Variants in DSCAM observed in about 807,000 individuals in gnomAD.
DSCAM encodes DS cell adhesion molecule, also known as cell adhesion molecule DSCAM.
DSCAM carries 47 observed loss-of-function variants against 217.7 expected under a neutral mutation model. The observed-to-expected ratio is 0.22, with a 90% CI of 0.17 to 0.28. The LOEUF is 0.28. Among genes scored for constraint, DSCAM ranks in the 10% least tolerant of loss-of-function variants. The pLI, the probability that DSCAM is intolerant of heterozygous loss-of-function variation, is 1.00. For missense variants in DSCAM, 2,080 were observed against 2,618.3 expected (o/e 0.79, Z 4.49); for synonymous variants, 1,056 against 1,015.3 (o/e 1.04, Z -0.76).
intron 1 of DSCAM, among the ~76,000 whole-genome samples, chr21:40,767,744 G>T (rs1039324935): frequency 9.9e-5 from 15 of 152,178 alleles, no homozygotes; most frequent in African/African-American, 3.6e-4. Context: ...GAGCATCACA[G>T]CTAATTGACG....
intron 1 of DSCAM, among the ~76,000 whole-genome samples, chr21:40,729,254 G>C (rs1428844217): frequency 6.6e-6 from 1 of 152,152 alleles, no homozygotes; most frequent in East Asian, 1.9e-4. Flanking sequence ...CTGTCGTGAG[G>C]AACAGAGCTG....
At chr21:40,534,913 C>T (rs375342881) in intron 3 of DSCAM, among the ~76,000 whole-genome samples, 18 of 152,052 alleles carry the variant, frequency 1.2e-4, no homozygotes, top group African/African-American at 2.9e-4. Context: ...TCTAAACTTA[C>T]GTGGTATCAT....
intron 11 of DSCAM, among the ~76,000 whole-genome samples, chr21:40,234,628 A>G (rs1216934511): frequency 6.6e-6 from 1 of 152,062 alleles, no homozygotes; most frequent in East Asian, 1.9e-4. Flanking sequence ...GTCTTTGCCT[A>G]TTCTATGATG....
chr21:40,814,801 G>A (rs908767226), intron 1 of DSCAM, among the ~76,000 whole-genome samples: 1 of 152,186 alleles, frequency 6.6e-6, no homozygotes, highest in African/African-American at 2.4e-5. Flanking sequence ...ACAGGAGGAA[G>A]AGCAGGTAAC....
At chr21:40,497,799 A>G (rs62225514) in intron 3 of DSCAM, among the ~76,000 whole-genome samples, 16,555 of 152,328 alleles carry the variant, frequency 0.11, 950 homozygotes, top group Middle Eastern at 0.17. Flanking sequence ...ATTGCTTTTC[A>G]TAAAGATCAG....
At chr21:40,507,379 C>T (rs1362211058) in intron 3 of DSCAM, among the ~76,000 whole-genome samples, 1 of 152,164 alleles carries the variant, frequency 6.6e-6, no homozygotes, top group Non-Finnish European at 1.5e-5. Flanking sequence ...AAGCATATAG[C>T]TCTTCTATTT....
At chr21:40,728,894 C>T (rs965228132) in intron 1 of DSCAM, among the ~76,000 whole-genome samples, 6 of 152,108 alleles carry the variant, frequency 3.9e-5, no homozygotes, top group African/African-American at 1.4e-4. Flanking sequence ...CCCTGGATTC[C>T]GTATTGTGTG....
intron 3 of DSCAM, among the ~76,000 whole-genome samples, chr21:40,559,711 A>C (rs1054618631): frequency 1.3e-5 from 2 of 152,026 alleles, no homozygotes; most frequent in African/African-American, 4.8e-5. Context: ...TATTGAAATG[A>C]AGCAGTTCTA....
chr21:40,066,602 A>AT (rs911043228), intron 27 of DSCAM, among the ~76,000 whole-genome samples: 45 of 151,920 alleles, frequency 3.0e-4, no homozygotes, highest in East Asian at 2.7e-3. Context: ...TTGCAAATGA[A>AT]TTTTTTTTTA....
intron 3 of DSCAM, among the ~76,000 whole-genome samples, chr21:40,681,225 T>C (rs2090397051): frequency 6.6e-6 from 1 of 152,182 alleles, no homozygotes; most frequent in Non-Finnish European, 1.5e-5. Flanking sequence ...AAAGTGAGGA[T>C]CTGAAATGCA....
At position 40,824,351 on chromosome 21, in the gene DSCAM, A is replaced by T. The variant is rs139636243; in HGVS notation, c.43+22268T>A. On this transcript the variant is annotated intron_variant, in intron 1 of 32. Coordinates refer to ENST00000400454, the MANE Select transcript of DSCAM (RefSeq NM_001389.5). The stretch of plus-strand genomic sequence containing the variant: ...GAATCTTCAATTCAATTCCATCTAA[A>T]TTTGAATTCAAATCTTTCCACAATC... Among the ~76,000 whole-genome samples, 1,077 of 151,742 alleles carry T rather than the reference A, an allele frequency of 7.1e-3. 10 individuals carry two copies. The highest frequency in any genetic ancestry group is 0.024 in the African/African-American group (1,004 of 41,260).
chr21:40,540,618 A>G (rs7280103), intron 3 of DSCAM, among the ~76,000 whole-genome samples: 12,548 of 152,198 alleles, frequency 0.082, 605 homozygotes, highest in Middle Eastern at 0.16. Flanking sequence ...TATAAATCAG[A>G]AAAAGATCGG....
At chr21:40,661,432 A>G (rs941699448) in intron 3 of DSCAM, among the ~76,000 whole-genome samples, 1 of 152,224 alleles carries the variant, frequency 6.6e-6, no homozygotes, top group Non-Finnish European at 1.5e-5. Flanking sequence ...CTGTGTATTT[A>G]AAATACAATT....
chr21:40,359,767 T>C (rs1444241907), intron 4 of DSCAM, among the ~76,000 whole-genome samples: 3 of 152,084 alleles, frequency 2.0e-5, no homozygotes, highest in Non-Finnish European at 4.4e-5. Context: ...AGACCATAGA[T>C]TAGTGGTTGT....
At chr21:40,255,206 T>C (rs1384290926) in intron 11 of DSCAM, among the ~76,000 whole-genome samples, 1 of 152,200 alleles carries the variant, frequency 6.6e-6, no homozygotes, top group African/African-American at 2.4e-5. Flanking sequence ...TGTTACTGTG[T>C]GCTGGGTGTT....
chr21:40,557,864 G>A (rs369732092), intron 3 of DSCAM, among the ~76,000 whole-genome samples: 71 of 152,144 alleles, frequency 4.7e-4, no homozygotes, highest in African/African-American at 1.5e-3. Context: ...ATATACACAC[G>A]CACTGATATC....
chr21:40,645,167 C>A (rs1463067211), intron 3 of DSCAM, among the ~76,000 whole-genome samples: 1 of 152,126 alleles, frequency 6.6e-6, no homozygotes, highest in African/African-American at 2.4e-5. Flanking sequence ...CTAATATTTC[C>A]TTTCCCTTCC....
At chr21:40,557,853 T>C (rs1481108469) in intron 3 of DSCAM, among the ~76,000 whole-genome samples, 2 of 152,150 alleles carry the variant, frequency 1.3e-5, no homozygotes, top group African/African-American at 2.4e-5. Context: ...CACTGATACA[T>C]ATATACACAC....
At chr21:40,191,867 T>C (rs2090955934) in intron 11 of DSCAM, among the ~76,000 whole-genome samples, 1 of 152,220 alleles carries the variant, frequency 6.6e-6, no homozygotes, top group Non-Finnish European at 1.5e-5. Context: ...TGAATGTTTC[T>C]GTGTCTTTTC....
Sources: gnomAD v4.1 joint callset for allele counts (sites outside exome capture counted in the v4.1 genomes callset) on GRCh38, gnomAD v4.1.1 for gene constraint, MANE v1.5 for transcripts, NCBI Gene and HGNC (gene_info 2026-07-23, HGNC 2026-07-21) for gene names.